BEND2: variants seen among roughly 807,000 people sequenced by gnomAD.
BEND2 encodes BEN domain containing 2.
In BEND2, 19 loss-of-function variants were observed where a neutral mutation model predicts 43.8. That is an observed-to-expected ratio of 0.43 (90% CI 0.30 to 0.64). BEND2 has a LOEUF of 0.64. Ranked by LOEUF, BEND2 falls within the 30% of genes least tolerant of loss-of-function variation. The pLI is 0.11. For synonymous variants in BEND2, 226 were observed against 210.1 expected, an observed-to-expected ratio of 1.08 and a Z score of -0.66; for missense variants, 544 against 574.0, an observed-to-expected ratio of 0.95 and a Z score of 0.53.
chrX:18,189,281 G>A (rs1485752573), intron 8 of BEND2, among the ~76,000 whole-genome samples: 1 of 110,722 alleles, frequency 9.0e-6, no homozygotes, highest in Non-Finnish European at 1.9e-5. Context: ...GCCAAGGCGG[G>A]AAGACTGCTT....
intron 10 of BEND2, among the ~76,000 whole-genome samples, chrX:18,176,529 C>G (rs903584534): frequency 1.8e-5 from 2 of 109,023 alleles, no homozygotes; most frequent in African/African-American, 3.3e-5. Flanking sequence ...AAATACAAAA[C>G]TTAGCTGGGT....
chrX:18,210,913 T>C (rs753448044), intron 4 of BEND2, among the ~76,000 whole-genome samples: 1 of 112,001 alleles, frequency 8.9e-6, no homozygotes, highest in East Asian at 2.8e-4. Flanking sequence ...TCAAAATACA[T>C]GATAAAAAAT....
intron 8 of BEND2, among the ~76,000 whole-genome samples, chrX:18,183,380 C>T (rs910727600): frequency 9.8e-5 from 11 of 112,308 alleles, no homozygotes; most frequent in Middle Eastern, 4.7e-3. Context: ...ATAATCCACA[C>T]GTCAAAAAGA....
At chrX:18,180,408 C>A in intron 9 of BEND2, 102 bp downstream of exon 9, 1 of 1,099,974 alleles carries the variant, frequency 9.1e-7, no homozygotes. Context: ...TAAAACCTAT[C>A]CTCAAAATAG....
At chrX:18,191,256 A>G in intron 7 of BEND2, 148 bp from the exon 8 acceptor site, 1 of 438,756 alleles carries the variant, frequency 2.3e-6, no homozygotes, top group South Asian at 4.6e-5. Context: ...ACTTTAAAAA[A>G]CGGTGACTGG....
In BEND2 at chrX:18,174,125, C is replaced by G. The variant is rs368899043; in HGVS notation, c.1886G>C (p.Arg629Thr). 117 of 1,209,973 alleles carry G rather than the reference C, an allele frequency of 9.7e-5. No individual in the cohort carries two copies. Among genetic ancestry groups the G allele is most frequent in the Non-Finnish European group, 1.2e-4 (109 of 895,053 alleles). ...GTTTGGCTGCAAGTTCCTCTTTTCT[C>G]TCATTTTGGAGTTATTCATTGGCTG... is the stretch of plus-strand genomic sequence containing the variant. Reference protein sequence around the residue: ...MFQPMNNSKMREKRNLQPNSN... With the variant: ...MFQPMNNSKMTEKRNLQPNSN... Residue 629 changes from arginine to threonine, a missense_variant, in exon 12 of 14, where the codon AGA (arginine) becomes ACA (threonine). Physicochemically the swap from Arg to Thr is moderately conservative, Grantham distance 71 (BLOSUM62 -1). Transcript: ENST00000380033.
intron 13 of BEND2, among the ~76,000 whole-genome samples, chrX:18,168,974 A>C (rs757734964): frequency 1.8e-5 from 2 of 110,372 alleles, no homozygotes; most frequent in African/African-American, 6.6e-5. Flanking sequence ...GTACATTAAA[A>C]CAACCAGATG....
In BEND2 at chrX:18,212,567, C is replaced by G; in HGVS notation, c.490G>C (p.Glu164Gln). Residue 164 changes from glutamate (E) to glutamine (Q), a missense_variant and splice_region_variant, in exon 4 of 14, where the codon GAG becomes CAG. Physicochemically the swap from Glu to Gln is conservative, Grantham distance 29. Coordinates refer to ENST00000380033, the MANE Select transcript of BEND2 (RefSeq NM_153346.5). ...AATAAACAAACCATAATATCTACCTCTGGAGTATAGAATCTTCCTCTTTTT... is the reference window on the plus strand; with the variant it reads ...AATAAACAAACCATAATATCTACCTGTGGAGTATAGAATCTTCCTCTTTTT... ...FPKRGRFYTP[E>Q]VQSSISPPAE... 1 of 1,142,237 alleles carries G rather than the reference C, an allele frequency of 8.8e-7. No homozygotes were observed. Among genetic ancestry groups the G allele is most frequent in the African/African-American group, 1.8e-5 (1 of 56,463 alleles). 94.1% of individuals were successfully genotyped at this position (1,142,237 alleles called of 1,213,427 possible).
chrX:18,180,771 C>CTCTTTTTTTTTTTCTTTCTT (rs1283862369), intron 8 of BEND2, 121 bp from the exon 9 acceptor site: 118 of 495,578 alleles, frequency 2.4e-4, no homozygotes, highest in South Asian at 1.2e-3. Flanking sequence ...AGCAGACCTA[C>CTCTTTTTTTTTTTCTTTCTT]TCTTTTTTTT....
intron 2 of BEND2, among the ~76,000 whole-genome samples, chrX:18,216,260 C>A (rs1426359716): frequency 9.1e-6 from 1 of 110,202 alleles, no homozygotes; most frequent in African/African-American, 3.3e-5. Context: ...TTATAGTTGC[C>A]AGATATAAAT....
intron 8 of BEND2, among the ~76,000 whole-genome samples, chrX:18,186,761 G>T (rs1924587405): frequency 9.1e-6 from 1 of 109,548 alleles, no homozygotes; most frequent in African/African-American, 3.3e-5. Flanking sequence ...AGGAGTTCAA[G>T]AAAAGTTCAG....
Position 18,201,799 on chromosome X carries a change from A to G in BEND2, c.1033+16T>C, listed in dbSNP as rs1355290525. On this transcript the variant is annotated intron_variant, in intron 6 of 13. Coordinates refer to ENST00000380033, the MANE Select transcript of BEND2 (RefSeq NM_153346.5). Reference sequence around the variant, plus strand: ...TGAGCCACCACGCCCAGCATTATGTATCATTTCAAACTCACCAAAATAGGG... The same window carrying G: ...TGAGCCACCACGCCCAGCATTATGTGTCATTTCAAACTCACCAAAATAGGG... 7.5e-6 allele frequency: 9 copies of G among 1,196,635 alleles called. No homozygotes were observed. The African/African-American group carries it at 8.9e-5, about 12-fold the overall frequency.
chrX:18,220,640 A>C (rs1316288989), intron 1 of BEND2, 86 bp downstream of exon 1: 1 of 1,154,875 alleles, frequency 8.7e-7, no homozygotes, highest in Non-Finnish European at 1.2e-6. Flanking sequence ...GCCGCCCCTG[A>C]ATGGCCACCT....
chrX:18,177,005 T>C (rs1461852355), intron 10 of BEND2, among the ~76,000 whole-genome samples: 1 of 110,506 alleles, frequency 9.0e-6, no homozygotes, highest in African/African-American at 3.3e-5. Context: ...TGGACTGGGA[T>C]GTATCTGTTT....
chrX:18,212,092 C>CTTTTT lies in BEND2; in HGVS notation c.492+468_492+472dup, dbSNP rs758303697. Among the ~76,000 whole-genome samples, 39 of 71,034 alleles carry CTTTTT rather than the reference C, an allele frequency of 5.5e-4. 1 individual carries two copies. The highest frequency in any genetic ancestry group is 5.9e-4 in the Non-Finnish European group (22 of 36,990). The allele number at this position is 71,034 out of a possible 115,157, so 61.7% of individuals were successfully genotyped here. On this transcript the variant is annotated intron_variant, in intron 4 of 13. Transcript: ENST00000380033. ...GGGTGATGAAAATGTTTATTACTGT[C>CTTTTT]TTTTTTTTTTTTTTTTTTTTGAGAC...
At chrX:18,170,734 G>A (rs946981941) in intron 13 of BEND2, among the ~76,000 whole-genome samples, 60 of 111,959 alleles carry the variant, frequency 5.4e-4, no homozygotes, top group African/African-American at 1.9e-3. Context: ...CATACCCCTG[G>A]CAGTCCATAG....
chrX:18,204,566 AATAAC>A (rs1368595194), intron 4 of BEND2, among the ~76,000 whole-genome samples: 1 of 112,174 alleles, frequency 8.9e-6, no homozygotes, highest in African/African-American at 3.2e-5. Flanking sequence ...TCAAAAGAAA[AATAAC>A]ATATGTGAAA....
At chrX:18,197,897 C>T (rs1925010813) in intron 6 of BEND2, among the ~76,000 whole-genome samples, 1 of 111,043 alleles carries the variant, frequency 9.0e-6, no homozygotes, top group Admixed American at 9.6e-5. Context: ...TAGTGAATAA[C>T]TCTCATGAGA....
At chrX:18,206,769 G>C (rs996154484) in intron 4 of BEND2, among the ~76,000 whole-genome samples, 2 of 111,541 alleles carry the variant, frequency 1.8e-5, no homozygotes, top group African/African-American at 6.5e-5. Flanking sequence ...CTGTCTCCAG[G>C]AGTGAAGAGG....
Sources: gnomAD v4.1 joint callset for allele counts (sites outside exome capture counted in the v4.1 genomes callset) on GRCh38, gnomAD v4.1.1 for gene constraint, MANE v1.5 for transcripts, NCBI Gene and HGNC (gene_info 2026-07-23, HGNC 2026-07-21) for gene names.